Variants in SYT1 observed in about 807,000 individuals in gnomAD.
SYT1 encodes synaptotagmin 1.
SYT1 carries 8 observed loss-of-function variants against 44.8 expected under a neutral mutation model. That is an observed-to-expected ratio of 0.18 (90% CI 0.10 to 0.32). The LOEUF (loss-of-function observed/expected upper bound fraction) is 0.32, where lower values mean the gene tolerates loss of function less well. Ranked by LOEUF, SYT1 falls within the 10% of genes least tolerant of loss-of-function variation. SYT1 has a pLI of 1.00. For missense variants in SYT1, 286 were observed against 509.3 expected, an observed-to-expected ratio of 0.56 and a Z score of 4.22; for synonymous variants, 154 against 188.8, an observed-to-expected ratio of 0.82 and a Z score of 1.51.
intron 2 of SYT1, among the ~76,000 whole-genome samples, chr12:79,040,838 A>T (rs1380482803): frequency 6.9e-6 from 1 of 144,338 alleles, no homozygotes; most frequent in African/African-American, 2.6e-5. Context: ...AGCTTTCTAC[A>T]TATGGCTAGC....
chr12:79,141,155 A>G (rs900701108), intron 3 of SYT1, among the ~76,000 whole-genome samples: 29 of 152,152 alleles, frequency 1.9e-4, no homozygotes, highest in African/African-American at 7.0e-4. Context: ...ACAAATATTT[A>G]TTTTGCCCTT....
intron 4 of SYT1, among the ~76,000 whole-genome samples, chr12:79,224,883 G>T (rs1252733942): frequency 6.6e-6 from 1 of 151,432 alleles, no homozygotes; most frequent in African/African-American, 2.4e-5. Flanking sequence ...GGGTTCAAGC[G>T]ATTCTTCTGC....
At chr12:79,249,739 C>G (rs1040442218) in intron 4 of SYT1, among the ~76,000 whole-genome samples, 1 of 152,044 alleles carries the variant, frequency 6.6e-6, no homozygotes, top group Non-Finnish European at 1.5e-5. Flanking sequence ...TATCAATGAA[C>G]CAACAAGAGA....
At chr12:79,081,861 C>T (rs575567788) in intron 3 of SYT1, among the ~76,000 whole-genome samples, 1 of 152,158 alleles carries the variant, frequency 6.6e-6, no homozygotes, top group East Asian at 1.9e-4. Flanking sequence ...CCAGGAGCTT[C>T]TAAGAGCACA....
At chr12:78,982,493 C>T (rs1869336861) in intron 2 of SYT1, among the ~76,000 whole-genome samples, 1 of 152,084 alleles carries the variant, frequency 6.6e-6, no homozygotes, top group African/African-American at 2.4e-5. Flanking sequence ...AGCACCCCTC[C>T]TTTCCGTTCC....
intron 3 of SYT1, among the ~76,000 whole-genome samples, chr12:79,128,434 T>C (rs535108153): frequency 3.3e-5 from 5 of 152,192 alleles, no homozygotes; most frequent in Admixed American, 2.6e-4. Flanking sequence ...GATAGATACA[T>C]AGATAGATAG....
chr12:79,380,940 G>A (rs1371734821), intron 9 of SYT1, among the ~76,000 whole-genome samples: 1 of 152,092 alleles, frequency 6.6e-6, no homozygotes, highest in Non-Finnish European at 1.5e-5. Context: ...TAGTGTGCAA[G>A]CCCAGGAAAG....
At chr12:79,180,205 T>C (rs1247758591) in intron 3 of SYT1, among the ~76,000 whole-genome samples, 3 of 69,834 alleles carry the variant, frequency 4.3e-5, no homozygotes, top group African/African-American at 2.4e-4. Flanking sequence ...CAAACCATTA[T>C]TTCTTTGAAA....
chr12:79,305,572 G>T (rs1880351713), intron 8 of SYT1, among the ~76,000 whole-genome samples: 2 of 152,016 alleles, frequency 1.3e-5, no homozygotes, highest in African/African-American at 4.8e-5. Context: ...TTCAAAATTG[G>T]CATTACCAAA....
intron 3 of SYT1, among the ~76,000 whole-genome samples, chr12:79,174,498 T>G (rs185832711): frequency 1.3e-5 from 2 of 152,144 alleles, no homozygotes; most frequent in East Asian, 3.9e-4. Context: ...TTTGAGAATT[T>G]ATTACAATGT....
At chr12:79,271,714 A>C (rs916588692) in intron 4 of SYT1, among the ~76,000 whole-genome samples, 13 of 152,208 alleles carry the variant, frequency 8.5e-5, no homozygotes, top group African/African-American at 3.1e-4. Context: ...TGATAAAGGA[A>C]GATCTTTTTT....
At chr12:79,354,571 G>A (rs1034645494) in intron 9 of SYT1, among the ~76,000 whole-genome samples, 5 of 152,036 alleles carry the variant, frequency 3.3e-5, no homozygotes, top group Admixed American at 6.6e-5. Flanking sequence ...CTAATTTGTC[G>A]ACCAAATTCT....
chr12:79,231,772 T>C (rs887030357), intron 4 of SYT1, among the ~76,000 whole-genome samples: 2 of 152,226 alleles, frequency 1.3e-5, no homozygotes, highest in Admixed American at 6.5e-5. Context: ...CAGTTAACTA[T>C]TGCAGTGGAT....
chr12:78,955,393 A>G (rs1427415477), intron 1 of SYT1: 1 of 152,144 alleles, frequency 6.6e-6, no homozygotes, highest in East Asian at 1.9e-4. Context: ...ATGTTAGACC[A>G]TTTGGGTCAT....
At chr12:79,438,267 C>CA (rs1023458997) in intron 9 of SYT1, among the ~76,000 whole-genome samples, 5 of 151,278 alleles carry the variant, frequency 3.3e-5, no homozygotes, top group Non-Finnish European at 5.9e-5. Flanking sequence ...ACTCCCTGGC[C>CA]AAAAAAAAGA....
chr12:78,983,681 C>CT lies in SYT1; in HGVS notation c.-84+5752dup, dbSNP rs763896783. The stretch of plus-strand genomic sequence containing the variant: ...CACATATAAATGTCTGAATACACAT[C>CT]TTGAAAATGCAATAGGTTACATCTG... On this transcript the variant is annotated intron_variant, in intron 2 of 10. Transcript: ENST00000261205. Among the ~76,000 whole-genome samples the CT allele has an allele frequency of 1.1e-4, 16 of 152,116 alleles. 1 individual carries two copies. Among genetic ancestry groups the CT allele is most frequent in the East Asian group, 5.8e-4 (3 of 5,168 alleles).
Position 79,057,569 on chromosome 12 carries a change from T to A in SYT1, c.-18+10207T>A, listed in dbSNP as rs151047726. On this transcript the variant is annotated intron_variant, in intron 3 of 10. Transcript: ENST00000261205. Reference sequence around the variant, plus strand: ...TAACATCTCCTAGGAAGTAATATATTTTTTTTAGGCATTTACTATTTGAGC... The same window carrying A: ...TAACATCTCCTAGGAAGTAATATATATTTTTTAGGCATTTACTATTTGAGC... Among the ~76,000 whole-genome samples, 1,145 of 152,112 alleles carry A rather than the reference T, an allele frequency of 7.5e-3. 4 individuals carry two copies. The highest frequency in any genetic ancestry group is 0.011 in the Non-Finnish European group (756 of 67,966).
At chr12:79,083,728 G>GTAA (rs1877193232) in intron 3 of SYT1, among the ~76,000 whole-genome samples, 1 of 152,038 alleles carries the variant, frequency 6.6e-6, no homozygotes, top group Non-Finnish European at 1.5e-5. Flanking sequence ...ATGTGGAGAT[G>GTAA]TAATATACAC....
At chr12:78,903,219 A>T (rs1875763549) in intron 1 of SYT1, among the ~76,000 whole-genome samples, 1 of 151,608 alleles carries the variant, frequency 6.6e-6, no homozygotes, top group Non-Finnish European at 1.5e-5. Flanking sequence ...TTTGTGTTTT[A>T]TATTAAAAAA....
Sources: allele counts gnomAD v4.1 joint callset (sites outside exome capture counted in the v4.1 genomes callset), GRCh38; gene constraint gnomAD v4.1.1; transcripts MANE v1.5; gene names NCBI Gene and HGNC (gene_info 2026-07-23, HGNC 2026-07-21).